Variants in DIP2B observed in about 807,000 individuals in gnomAD.
DIP2B encodes DIP2 acetate--CoA ligase B (putative), also known as disco-interacting protein 2 homolog B.
Under a neutral mutation model 198.0 loss-of-function variants are expected in DIP2B, and 76 were observed. The ratio of observed to expected loss-of-function variants is 0.38; its 90% CI spans 0.32 to 0.46. DIP2B has a LOEUF of 0.46. Ranked by LOEUF, DIP2B falls within the 20% of genes least tolerant of loss-of-function variation. DIP2B has a pLI of 0.99. For synonymous variants in DIP2B, 701 were observed against 739.1 expected (o/e 0.95, Z 0.84); for missense variants, 1,559 against 1,978.4 (o/e 0.79, Z 4.02).
chr12:50,613,306 A>G (rs563855540), intron 1 of DIP2B, among the ~76,000 whole-genome samples: 1 of 152,354 alleles, frequency 6.6e-6, no homozygotes, highest in Non-Finnish European at 1.5e-5. Context: ...GTGATTGCTT[A>G]GATGAATGGT....
chr12:50,646,481 G>T (rs563663401), intron 3 of DIP2B, among the ~76,000 whole-genome samples: 1 of 150,004 alleles, frequency 6.7e-6, no homozygotes, highest in Admixed American at 6.6e-5. Context: ...GAATGCAGTG[G>T]TGCTATCTTG....
chr12:50,730,388 T>C (rs1419048629), intron 30 of DIP2B, among the ~76,000 whole-genome samples: 1 of 151,162 alleles, frequency 6.6e-6, no homozygotes, highest in African/African-American at 2.4e-5. Flanking sequence ...CTCTCTTTTT[T>C]TTTTTTTTTT....
intron 2 of DIP2B, among the ~76,000 whole-genome samples, chr12:50,633,865 C>G (rs978855977): frequency 1.3e-5 from 2 of 152,204 alleles, no homozygotes; most frequent in African/African-American, 4.8e-5. Context: ...CCTAAAAAAT[C>G]ACTTAAACCT....
intron 1 of DIP2B, among the ~76,000 whole-genome samples, chr12:50,531,269 C>T (rs141295283): frequency 0.013 from 2,039 of 152,140 alleles, 50 homozygotes; most frequent in African/African-American, 0.046. Flanking sequence ...AGGATGGTCT[C>T]GATCTCCTGA....
intron 34 of DIP2B, among the ~76,000 whole-genome samples, chr12:50,735,411 G>A (rs1940118790): frequency 6.6e-6 from 1 of 152,016 alleles, no homozygotes; most frequent in East Asian, 1.9e-4. Flanking sequence ...TATGAAAGGT[G>A]GATAGAAGAG....
chr12:50,718,877 G>A, intron 24 of DIP2B, 59 bp downstream of exon 24: 1 of 1,611,114 alleles, frequency 6.2e-7, no homozygotes, highest in East Asian at 2.2e-5. Context: ...ACTTACTGCA[G>A]GTAGCAGCTG....
chr12:50,696,914 G>A, intron 16 of DIP2B, 147 bp from the exon 17 acceptor site: 1 of 608,958 alleles, frequency 1.6e-6, no homozygotes, highest in East Asian at 2.9e-5. Context: ...CATCTCACAG[G>A]GACAGTAAAA....
chr12:50,593,727 T>TCTCCCCTCCCCTCCTCTCCTCTCCC (rs1958844091), intron 1 of DIP2B, among the ~76,000 whole-genome samples: 1 of 5,534 alleles, frequency 1.8e-4, no homozygotes, highest in East Asian at 9.3e-3. Context: ...TCTCCTCTCC[T>TCTCCCCTCCCCTCCTCTCCTCTCCC]CTCCTCTCCT....
chr12:50,555,134 C>T (rs1958459444), intron 1 of DIP2B, among the ~76,000 whole-genome samples: 1 of 152,046 alleles, frequency 6.6e-6, no homozygotes, highest in Non-Finnish European at 1.5e-5. Context: ...TCCTAGTGTC[C>T]CCCATTCTAG....
intron 4 of DIP2B, among the ~76,000 whole-genome samples, chr12:50,664,857 T>G (rs1381737488): frequency 9.2e-5 from 3 of 32,724 alleles, no homozygotes; most frequent in African/African-American, 1.8e-4. Flanking sequence ...TTTTTTTTTT[T>G]TTTTTTTTTT....
rs1434386832 is a variant in DIP2B at position 50,739,673 on chromosome 12, T to C, written c.4354+87T>C. ...CTTCAGCCTGCGTTGGATTGTGGAGTGTGTCTATTTAGTTACTCCCTTCGG... is the reference window on the plus strand; with the variant it reads ...CTTCAGCCTGCGTTGGATTGTGGAGCGTGTCTATTTAGTTACTCCCTTCGG... On this transcript the variant is annotated intron_variant, in intron 36 of 37. Coordinates refer to ENST00000301180, the MANE Select transcript of DIP2B (RefSeq NM_173602.3). The C allele has an allele frequency of 2.0e-6, 3 of 1,507,554 alleles. No individual in the cohort carries two copies. In the Admixed American group the frequency reaches 5.5e-5, roughly 28 times the overall value. The allele number at this position is 1,507,554 out of a possible 1,614,324, so 93.4% of individuals were successfully genotyped here. A position where few individuals can be genotyped will look rare whatever the true frequency, so the allele number is the denominator to read the frequency against.
chr12:50,685,699 G>T lies in DIP2B; in HGVS notation c.1318-134G>T, dbSNP rs991381779. ...GAAGAACACATTGTGATTGGATTTTGACAATTGCCAGATATTGGTGGGGCT... is the reference window on the plus strand; with the variant it reads ...GAAGAACACATTGTGATTGGATTTTTACAATTGCCAGATATTGGTGGGGCT... On this transcript the variant is annotated intron_variant, in intron 10 of 37. Transcript: ENST00000301180. The T allele has an allele frequency of 7.0e-6, 7 of 999,040 alleles. No homozygotes were observed. In the African/African-American group the frequency reaches 9.9e-5, roughly 14 times the overall value. 61.9% of individuals were successfully genotyped at this position (999,040 alleles called of 1,614,324 possible).
intron 5 of DIP2B, among the ~76,000 whole-genome samples, chr12:50,673,457 G>C: frequency 6.6e-6 from 1 of 152,158 alleles, no homozygotes; most frequent in East Asian, 1.9e-4. Flanking sequence ...GTTGAACAGG[G>C]ATCTTTTCCA....
At chr12:50,533,815 T>C (rs924945962) in intron 1 of DIP2B, among the ~76,000 whole-genome samples, 1 of 152,166 alleles carries the variant, frequency 6.6e-6, no homozygotes, top group African/African-American at 2.4e-5. Flanking sequence ...CTTGAACTCC[T>C]GGGCTCAAGT....
chr12:50,663,274 A>C (rs893676938), intron 4 of DIP2B, among the ~76,000 whole-genome samples: 4 of 146,854 alleles, frequency 2.7e-5, no homozygotes, highest in African/African-American at 1.0e-4. Flanking sequence ...AAATACAAAA[A>C]ATTAGCCGGG....
chr12:50,567,559 G>C (rs908030154), intron 1 of DIP2B, among the ~76,000 whole-genome samples: 1 of 151,788 alleles, frequency 6.6e-6, no homozygotes, highest in Non-Finnish European at 1.5e-5. Flanking sequence ...ATGGAGTCTT[G>C]CTCTGTCACG....
Position 50,696,985 on chromosome 12 carries a change from T to C in DIP2B, c.1934-76T>C, listed in dbSNP as rs1939323948. 6 of 1,112,074 alleles carry C rather than the reference T, an allele frequency of 5.4e-6. No individual in the cohort carries two copies. In the Admixed American group the frequency reaches 1.1e-4, roughly 21 times the overall value. The allele number at this position is 1,112,074 out of a possible 1,614,324, so 68.9% of individuals were successfully genotyped here. ...CTCATGAGAAATAAGTATGTCAGCT[T>C]TCTATTCTTTACCATTTTCCTACAG... On this transcript the variant is annotated intron_variant, in intron 16 of 37. Transcript: ENST00000301180.
At position 50,537,114 on chromosome 12, in the gene DIP2B, A is replaced by ATTTTTTTTTTTTTTT. The variant is rs34202995; in HGVS notation, c.100+31887_100+31901dup. Among the ~76,000 whole-genome samples, 75 of 32,226 alleles carry ATTTTTTTTTTTTTTT rather than the reference A, an allele frequency of 2.3e-3. 18 individuals are homozygous for ATTTTTTTTTTTTTTT. Among genetic ancestry groups the ATTTTTTTTTTTTTTT allele is most frequent in the African/African-American group, 4.0e-3 (25 of 6,328 alleles). The allele number at this position is 32,226 out of a possible 152,430, so 21.1% of individuals were successfully genotyped here. A position where few individuals can be genotyped will look rare whatever the true frequency, so the allele number is the denominator to read the frequency against. ...CAGATTGCTTGTTTATTATTCTCTA[A>ATTTTTTTTTTTTTTT]TTTTTTTTTTTTTTTTTTTTTTTTT... On this transcript the variant is annotated intron_variant, in intron 1 of 37. Coordinates refer to ENST00000301180, the MANE Select transcript of DIP2B (RefSeq NM_173602.3).
chr12:50,732,686 G>A, intron 32 of DIP2B, 150 bp downstream of exon 32: 1 of 1,008,464 alleles, frequency 9.9e-7, no homozygotes, highest in Admixed American at 2.5e-5. Flanking sequence ...CGATTTCTTT[G>A]TGTCTCATTT....
Sources: allele counts gnomAD v4.1 joint callset (sites outside exome capture counted in the v4.1 genomes callset), GRCh38; gene constraint gnomAD v4.1.1; transcripts MANE v1.5; gene names NCBI Gene and HGNC (gene_info 2026-07-23, HGNC 2026-07-21).